CPSF1: variants seen among roughly 807,000 people sequenced by gnomAD.
CPSF1 encodes the protein cleavage and polyadenylation specificity factor subunit 1.
In CPSF1, 106 loss-of-function variants were observed where a neutral mutation model predicts 175.8. The observed-to-expected ratio is 0.60, with a 90% CI of 0.52 to 0.71. CPSF1 has a LOEUF of 0.71. CPSF1 is among the 30% of genes least tolerant of loss of function. The pLI is 0.00. For missense variants in CPSF1, 1,734 were observed against 2,022.9 expected (o/e 0.86, Z 2.74); for synonymous variants, 1,024 against 858.3 (o/e 1.19, Z -3.37).
intron 23 of CPSF1, 87 bp downstream of exon 23, chr8:144,397,120 T>C (rs1261492206): frequency 3.9e-6 from 4 of 1,017,562 alleles, no homozygotes; most frequent in Admixed American, 3.6e-5. Context: ...GGAGATGGGG[T>C]GGAGCCACGG....
In CPSF1 at chr8:144,400,421, G is replaced by C; in HGVS notation, c.759C>G (p.Pro253=). 3 of 1,613,744 alleles carry C rather than the reference G, an allele frequency of 1.9e-6. No individual in the cohort carries two copies. The highest frequency in any genetic ancestry group is 2.5e-6 in the Non-Finnish European group (3 of 1,179,974). ...GCAGGCTGGTGAGGGACCAGATGACGGGGTGCACCTTCTGCGTGATGTTCA... is the reference window on the plus strand; with the variant it reads ...GCAGGCTGGTGAGGGACCAGATGACCGGGTGCACCTTCTGCGTGATGTTCA... ...ISLNITQKVH[P]VIWSLTSLPF... is the part of the protein sequence containing the mutation. Residue 253 remains proline (P), a synonymous_variant, in exon 8 of 38, where the codon CCC becomes CCG. Coordinates refer to ENST00000616140, the MANE Select transcript of CPSF1 (RefSeq NM_013291.3).
chr8:144,396,569 C>T (rs1820755064), intron 25 of CPSF1, 29 bp downstream of exon 25: 2 of 1,609,554 alleles, frequency 1.2e-6, no homozygotes, highest in Middle Eastern at 1.7e-4. Flanking sequence ...TCCCTTCTAC[C>T]ACAGACCCCT....
intron 19 of CPSF1, 30 bp from the exon 20 acceptor site, chr8:144,398,162 TCCCC>T: frequency 7.2e-7 from 1 of 1,385,758 alleles, no homozygotes. Context: ...AGCATGCGCC[TCCCC>T]ACCACCGTCC....
intron 2 of CPSF1, among the ~76,000 whole-genome samples, chr8:144,408,308 C>T (rs1199748029): frequency 6.6e-6 from 1 of 152,226 alleles, no homozygotes; most frequent in Non-Finnish European, 1.5e-5. Flanking sequence ...ACACCCTCCT[C>T]TCACCATCCC....
At position 144,399,175 on chromosome 8, in the gene CPSF1, G is replaced by T; in HGVS notation, c.1420C>A (p.Pro474Thr). 6.2e-7 allele frequency: 1 copy of T among 1,606,144 alleles called. No individual in the cohort carries two copies. Among genetic ancestry groups the T allele is most frequent in the Non-Finnish European group, 8.5e-7 (1 of 1,177,092 alleles). The change falls in exon 15 of 38, where the codon CCC becomes ACC. Residue 474 changes from proline (P) to threonine (T), a missense_variant. By Grantham distance (38) the Pro-to-Thr change is conservative. Around this residue, in one of 10 missense-constraint regions of CPSF1, gnomAD observed 280 missense variants for 349.2 expected, o/e 0.80. Transcript: ENST00000616140. This position sits in a 1 kb window ranked among gnomAD's most constrained non-coding sequence, Gnocchi z 6.4. ...EVCDSILNIGPCANAAVGEPA... is the reference protein window; with the variant it reads ...EVCDSILNIGTCANAAVGEPA... Reference sequence around the variant, plus strand: ...TCGCCCACGGCGGCATTGGCACAGGGTCCAATGTTCAGGATGCTGTCACAC... The same window carrying T: ...TCGCCCACGGCGGCATTGGCACAGGTTCCAATGTTCAGGATGCTGTCACAC...
In CPSF1 at chr8:144,400,949, C is replaced by A; in HGVS notation, c.514G>T (p.Glu172Ter). 2 of 1,607,186 alleles carry A rather than the reference C, an allele frequency of 1.2e-6. No homozygotes were observed. The highest frequency in any genetic ancestry group is 1.7e-6 in the Non-Finnish European group (2 of 1,176,188). ...LPFRRESLAEEHEGLVGEGQR... is the reference protein window; with the variant it reads ...LPFRRESLAE The stretch of plus-strand genomic sequence containing the variant: ...CCCTCACCCACGAGCCCCTCGTGCT[C>A]CTCAGCCAGGCTCTCCCTGCGGAAG... The change falls in exon 6 of 38, where the codon GAG (glutamate) becomes TAG (stop). Residue 172 changes from glutamate (E) to a stop codon, truncating the protein, a stop_gained. Transcript: ENST00000616140. LOFTEE classifies it high-confidence loss of function.
At chr8:144,408,803 C>T (rs1456440418) in intron 2 of CPSF1, among the ~76,000 whole-genome samples, 1 of 152,194 alleles carries the variant, frequency 6.6e-6, no homozygotes, top group Non-Finnish European at 1.5e-5. Flanking sequence ...CGCGCCCTTC[C>T]CGGTGGGGTA....
chr8:144,397,785 C>G lies in CPSF1; in HGVS notation c.2168G>C (p.Gly723Ala). ...RLGGARDELG[G>A]RSGPEAEGLG... is the part of the protein sequence containing the mutation. ...GCCCTCGGCCTCCGGGCCACTGCGG[C>G]CCCCGAGCTCGTCACGGGCCCCACC... The change falls in exon 21 of 38, where the codon GGC becomes GCC. Residue 723 changes from glycine to alanine, a missense_variant. This residue lies in a region of CPSF1 where 585 missense variants were observed against 584.7 expected (regional missense o/e 1.00). Coordinates refer to ENST00000616140, the MANE Select transcript of CPSF1 (RefSeq NM_013291.3). 6.2e-7 allele frequency: 1 copy of G among 1,609,752 alleles called. No homozygotes were observed. Among genetic ancestry groups the G allele is most frequent in the South Asian group, 1.1e-5 (1 of 91,006 alleles).
intron 26 of CPSF1, 113 bp from the exon 27 acceptor site, chr8:144,395,664 G>A: frequency 2.4e-6 from 2 of 849,240 alleles, no homozygotes; most frequent in Non-Finnish European, 3.8e-6. Flanking sequence ...GGGAGCAGGG[G>A]TGGGTGAGGG....
In CPSF1 at chr8:144,398,288, C is replaced by CCT. The variant is rs2089904101; in HGVS notation, c.1894+13_1894+14insAG. 274 of 144,076 alleles carry CCT rather than the reference C, an allele frequency of 1.9e-3. 2 individuals carry two copies. The highest frequency in any genetic ancestry group is 3.7e-3 in the Middle Eastern group (2 of 540). The allele number at this position is 144,076 out of a possible 1,614,324, so 8.9% of individuals were successfully genotyped here. On this transcript the variant is annotated intron_variant, in intron 19 of 37. Coordinates refer to ENST00000616140, the MANE Select transcript of CPSF1 (RefSeq NM_013291.3). ...CAGGCAGATGCCCAGGGCCCAACCA[C>CCT]CCCCCCCACCTACCTCCTTCCAGCA...
chr8:144,394,855 TCCCGCCCCCGCTCACTGGCCCCTTA>T lies in CPSF1; in HGVS notation c.3414+2_3414+26del. ...TGGGGATGGCAGAGGGGCTGCCAGT[TCCCGCCCCCGCTCACTGGCCCCTTA>T]CCCGCCCTCGGCACGTGACCTCCTC... On this transcript the variant is annotated splice_donor_variant and splice_donor_5th_base_variant and intron_variant, in intron 30 of 37. Transcript: ENST00000616140. LOFTEE classifies it high-confidence loss of function. 1.2e-6 allele frequency: 2 copies of T among 1,611,714 alleles called. No homozygotes were observed. The highest frequency in any genetic ancestry group is 1.7e-6 in the Non-Finnish European group (2 of 1,179,076).
At position 144,409,081 on chromosome 8, in the gene CPSF1, G is replaced by A. The variant is rs2116913042; in HGVS notation, c.78C>T (p.Ser26=). Residue 26 remains serine (S), a synonymous_variant, in exon 2 of 38, where the codon AGC becomes AGT. Coordinates refer to ENST00000616140, the MANE Select transcript of CPSF1 (RefSeq NM_013291.3). ...TCCCGGCCACTACCAGGTTGCGCTC[G>A]CTGTTGTTGAAGAAGTTGCAGTACA... The part of the protein sequence containing the change: ...FSMYCNFFNN[S]ERNLVVAGTS... 1.2e-6 allele frequency: 2 copies of A among 1,613,836 alleles called. No homozygotes were observed. Among genetic ancestry groups the A allele is most frequent in the Admixed American group, 3.3e-5 (2 of 60,018 alleles).
chr8:144,395,203 A>C, intron 28 of CPSF1, 21 bp from the exon 29 acceptor site: 1 of 1,612,790 alleles, frequency 6.2e-7, no homozygotes, highest in Non-Finnish European at 8.5e-7. Flanking sequence ...CAAGGGTGAC[A>C]GTCAGAGTAG....
At chr8:144,397,163 C>CTGTGGGGGAACGGG in intron 23 of CPSF1, 44 bp downstream of exon 23, 1 of 1,496,514 alleles carries the variant, frequency 6.7e-7, no homozygotes, top group South Asian at 1.2e-5. Context: ...ACGGGCAGGG[C>CTGTGGGGGAACGGG]CAGGGGGAAG....
chr8:144,393,920 C>A lies in CPSF1; in HGVS notation c.3978G>T (p.Lys1326Asn). ...CRGATEGLSK[K>N]SVVWENKHIT... ...TGTGCTTATTCTCCCACACGACCGACTTTTTGCTGAGCCCTTCAGTGGCCC... is the reference window on the plus strand; with the variant it reads ...TGTGCTTATTCTCCCACACGACCGAATTTTTGCTGAGCCCTTCAGTGGCCC... The change falls in exon 35 of 38, where the codon AAG (lysine) becomes AAT (asparagine). Residue 1326 changes from lysine to asparagine, a missense_variant. Lys to Asn is a moderately conservative substitution (Grantham distance 94). Around this residue, in one of 10 missense-constraint regions of CPSF1, gnomAD observed 323 missense variants for 338.5 expected, o/e 0.95. Coordinates refer to ENST00000616140, the MANE Select transcript of CPSF1 (RefSeq NM_013291.3). 2 of 1,613,412 alleles carry A rather than the reference C, an allele frequency of 1.2e-6. No individual in the cohort carries two copies. Among genetic ancestry groups the A allele is most frequent in the African/African-American group, 1.3e-5 (1 of 75,022 alleles).
Position 144,399,764 on chromosome 8 carries a change from C to A in CPSF1, c.1119+17G>T. 6.3e-7 allele frequency: 1 copy of A among 1,587,830 alleles called. No homozygotes were observed. The highest frequency in any genetic ancestry group is 1.1e-5 in the South Asian group (1 of 87,550). ...GGCCGGGTCTGGACCCAGACCCAAC[C>A]CCTAGTCCCAACTCACGCTGGTGGT... On this transcript the variant is annotated intron_variant, in intron 11 of 37. Transcript: ENST00000616140. This position sits in a 1 kb window ranked among gnomAD's most constrained non-coding sequence, Gnocchi z 6.4.
At position 144,400,929 on chromosome 8, in the gene CPSF1, A is replaced by G; in HGVS notation, c.534T>C (p.Gly178=). 6.2e-7 allele frequency: 1 copy of G among 1,602,484 alleles called. No homozygotes were observed. Among genetic ancestry groups the G allele is most frequent in the African/African-American group, 1.3e-5 (1 of 74,844 alleles). Residue 178 remains glycine (G), a synonymous_variant, in exon 6 of 38, where the codon GGT becomes GGC. Coordinates refer to ENST00000616140, the MANE Select transcript of CPSF1 (RefSeq NM_013291.3). ...SLAEEHEGLV[G]EGQRSSFLPS... is the part of the protein sequence containing the mutation. ...CTGCCTCAGCTGGCACTCACCCCTC[A>G]CCCACGAGCCCCTCGTGCTCCTCAG... is the stretch of plus-strand genomic sequence containing the variant.
At position 144,400,146 on chromosome 8, in the gene CPSF1, C is replaced by A. The variant is rs2116872365; in HGVS notation, c.937+20G>T. On this transcript the variant is annotated intron_variant, in intron 9 of 37. Transcript: ENST00000616140. ...CAAGCCGTCCCCGGGCCCCCCCCGC[C>A]CCAGCCACCCCACACTCACGAAGCG... The A allele has an allele frequency of 7.2e-7, 1 of 1,387,300 alleles. No individual in the cohort carries two copies. Among genetic ancestry groups the A allele is most frequent in the South Asian group, 1.3e-5 (1 of 74,552 alleles). The allele number at this position is 1,387,300 out of a possible 1,614,324, so 85.9% of individuals were successfully genotyped here. A position where few individuals can be genotyped will look rare whatever the true frequency, so the allele number is the denominator to read the frequency against.
chr8:144,400,135 G>GCGCCCCCCCCCCCCCCC, intron 9 of CPSF1, 31 bp downstream of exon 9: 1 of 896,010 alleles, frequency 1.1e-6, no homozygotes, highest in Non-Finnish European at 1.6e-6. Context: ...CCGTCCCCGG[G>GCGCCCCCCCCCCCCCCC]CCCCCCCCGC....
Sources: allele counts gnomAD v4.1 joint callset (sites outside exome capture counted in the v4.1 genomes callset), GRCh38; gene constraint gnomAD v4.1.1; regional missense constraint gnomAD v4.1.1; non-coding constraint Gnocchi (gnomAD v3.1); transcripts MANE v1.5; gene names NCBI Gene and HGNC (gene_info 2026-07-23, HGNC 2026-07-21).